TDRD5: variants seen among roughly 807,000 people sequenced by gnomAD.
The protein encoded by TDRD5 is tudor domain containing 5, also known as tudor domain-containing protein 5.
Under a neutral mutation model 120.6 loss-of-function variants are expected in TDRD5, and 41 were observed. The ratio of observed to expected loss-of-function variants is 0.34; its 90% CI spans 0.26 to 0.44. The LOEUF is 0.44. Ranked by LOEUF, TDRD5 falls within the 20% of genes least tolerant of loss-of-function variation. The pLI is 1.00. For synonymous variants in TDRD5, 430 were observed against 433.7 expected, an observed-to-expected ratio of 0.99 and a Z score of 0.11; for missense variants, 1,006 against 1,221.2, an observed-to-expected ratio of 0.82 and a Z score of 2.63.
chr1:179,631,216 C>T, intron 7 of TDRD5, among the ~76,000 whole-genome samples: 1 of 151,984 alleles, frequency 6.6e-6, no homozygotes, highest in East Asian at 1.9e-4. Flanking sequence ...ACAGTGAAAC[C>T]CCGTCTCTAC....
In TDRD5 at chr1:179,688,977, C is replaced by G. The variant is rs1026034499; in HGVS notation, c.2861-1719C>G. On this transcript the variant is annotated intron_variant, in intron 17 of 17. Transcript: ENST00000444136. ...TTTTTCAAGGTTTTTAGCTTCTTTG[C>G]TATGGGTTCGAACATCCTCCTTTAG... is the stretch of plus-strand genomic sequence containing the variant. Among the ~76,000 whole-genome samples, 9 of 152,314 alleles carry G rather than the reference C, an allele frequency of 5.9e-5. No homozygotes were observed. In the East Asian group the frequency reaches 1.4e-3, roughly 23 times the overall value.
chr1:179,652,239 C>G (rs377028124), intron 13 of TDRD5, 42 bp downstream of exon 13: 2 of 1,521,502 alleles, frequency 1.3e-6, no homozygotes, highest in African/African-American at 2.9e-5. Context: ...CTTTTTATTA[C>G]TGTAATCCTC....
intron 17 of TDRD5, among the ~76,000 whole-genome samples, chr1:179,688,456 TTC>T (rs1680881721): frequency 2.6e-5 from 4 of 152,208 alleles, no homozygotes; most frequent in Admixed American, 2.6e-4. Context: ...AACCTGACCT[TTC>T]TCTCTGGCTG....
In TDRD5 at chr1:179,654,336, C is replaced by A. The variant is rs1258195826; in HGVS notation, c.2296C>A (p.Pro766Thr). 6.5e-7 allele frequency: 1 copy of A among 1,536,156 alleles called. No individual in the cohort carries two copies. Among genetic ancestry groups the A allele is most frequent in the Non-Finnish European group, 8.8e-7 (1 of 1,140,496 alleles). ...AGATCCAAAGTGGTCCAACCCAGAA[C>A]CAAACGATCTGAAGGAAGAAAATGA... ...EEDPKWSNPE[P>T]NDLKEENEDE... The change falls in exon 14 of 18, where the codon CCA (proline) becomes ACA (threonine). Residue 766 changes from proline (P) to threonine (T), a missense_variant. Pro to Thr is a conservative substitution (Grantham distance 38). Around this residue, in one of 3 missense-constraint regions of TDRD5, gnomAD observed 403 missense variants for 448.1 expected, o/e 0.90. Transcript: ENST00000444136.
At chr1:179,634,170 C>CAAAAAACA (rs770749057) in intron 7 of TDRD5, among the ~76,000 whole-genome samples, 4 of 145,574 alleles carry the variant, frequency 2.7e-5, no homozygotes, top group Non-Finnish European at 6.0e-5. Flanking sequence ...GACTTCATCT[C>CAAAAAACA]AAAAAACAAA....
chr1:179,594,165 A>C lies in TDRD5; in HGVS notation c.640+298A>C, dbSNP rs182387198. Among the ~76,000 whole-genome samples the C allele has an allele frequency of 9.4e-4, 143 of 152,356 alleles. 1 individual carries two copies. The highest frequency in any genetic ancestry group is 2.7e-3 in the Admixed American group (41 of 15,312). On this transcript the variant is annotated intron_variant, in intron 3 of 17. Transcript: ENST00000444136. ...TTATTATTTTAAAAACTACAAGATC[A>C]GCTCTCTCTAGAACACTGTAAATGA...
Position 179,640,291 on chromosome 1 carries a change from T to C in TDRD5, c.1734-88T>C, listed in dbSNP as rs552742357. 6 of 1,441,786 alleles carry C rather than the reference T, an allele frequency of 4.2e-6. No individual in the cohort carries two copies. In the East Asian group the frequency reaches 1.4e-4, roughly 33 times the overall value. 89.3% of individuals were successfully genotyped at this position (1,441,786 alleles called of 1,614,324 possible). On this transcript the variant is annotated intron_variant, in intron 10 of 17. Coordinates refer to ENST00000444136, the MANE Select transcript of TDRD5 (RefSeq NM_001199085.3). ...GATGAGATTACGTTTTAGTCTCTTA[T>C]TAAGAAAGTGATTTTTTGGGTCATG...
intron 6 of TDRD5, among the ~76,000 whole-genome samples, chr1:179,626,652 G>T (rs184383453): frequency 6.6e-6 from 1 of 152,260 alleles, no homozygotes; most frequent in African/African-American, 2.4e-5. Flanking sequence ...AGATAAGATG[G>T]GTTGGTAGAT....
intron 14 of TDRD5, among the ~76,000 whole-genome samples, chr1:179,659,393 A>G (rs1679164945): frequency 6.6e-6 from 1 of 151,802 alleles, no homozygotes; most frequent in South Asian, 2.1e-4. Context: ...TCTGTTGTGC[A>G]TTTTGAAGCT....
chr1:179,640,101 G>T, intron 10 of TDRD5, 50 bp downstream of exon 10: 7 of 1,583,658 alleles, frequency 4.4e-6, no homozygotes, highest in Non-Finnish European at 6.1e-6. Context: ...TTGAATCACA[G>T]TGTTGAAGCT....
chr1:179,628,471 T>A (rs1299329808), intron 6 of TDRD5, among the ~76,000 whole-genome samples: 1 of 149,280 alleles, frequency 6.7e-6, no homozygotes, highest in Non-Finnish European at 1.5e-5. Context: ...GCTAAGTTTT[T>A]TTTTTTTTTT....
Position 179,630,822 on chromosome 1 carries a change from A to G in TDRD5, c.1028A>G (p.Glu343Gly), listed in dbSNP as rs750588661. 2.5e-6 allele frequency: 4 copies of G among 1,614,142 alleles called. No homozygotes were observed. In the East Asian group the frequency reaches 8.9e-5, roughly 36 times the overall value. ...AAATTAGGCTTCTTAAATGTGACAG[A>G]ACTTGTTGGAGCTCTTAGTGACATT... ...PKKLGFLNVTELVGALSDILH... is the reference protein window; with the variant it reads ...PKKLGFLNVTGLVGALSDILH... Residue 343 changes from glutamate to glycine, a missense_variant, in exon 7 of 18, where the codon GAA becomes GGA. This residue lies in a region of TDRD5 where 445 missense variants were observed against 515.5 expected (regional missense o/e 0.86). Transcript: ENST00000444136.
chr1:179,657,520 C>T (rs938464621), intron 14 of TDRD5, among the ~76,000 whole-genome samples: 8 of 152,062 alleles, frequency 5.3e-5, no homozygotes, highest in East Asian at 1.9e-4. Context: ...ATGTTGTCTG[C>T]GTTAGTACAT....
intron 9 of TDRD5, among the ~76,000 whole-genome samples, chr1:179,639,155 TTGAG>T (rs1677912071): frequency 6.6e-6 from 1 of 152,200 alleles, no homozygotes; most frequent in South Asian, 2.1e-4. Context: ...TAGCTAATAT[TTGAG>T]TGCTTAGTAT....
intron 17 of TDRD5, among the ~76,000 whole-genome samples, chr1:179,682,113 C>G (rs1279036413): frequency 6.7e-6 from 1 of 148,360 alleles, no homozygotes; most frequent in African/African-American, 2.5e-5. Flanking sequence ...CTTTTGAATT[C>G]TATCTGTGTC....
intron 14 of TDRD5, among the ~76,000 whole-genome samples, chr1:179,658,063 TGTAA>T (rs1558412139): frequency 6.6e-6 from 1 of 152,200 alleles, no homozygotes; most frequent in African/African-American, 2.4e-5. Flanking sequence ...AGATTCCACA[TGTAA>T]GTGAGATCAT....
rs889733212 is a variant in TDRD5 at position 179,645,318 on chromosome 1, C to T, written c.1800+4873C>T. Among the ~76,000 whole-genome samples, 5 of 151,782 alleles carry T rather than the reference C, an allele frequency of 3.3e-5. No homozygotes were observed. In the East Asian group the frequency reaches 9.7e-4, roughly 29 times the overall value. On this transcript the variant is annotated intron_variant, in intron 11 of 17. Coordinates refer to ENST00000444136, the MANE Select transcript of TDRD5 (RefSeq NM_001199085.3). Reference sequence around the variant, plus strand: ...GCCGGGATGGTCTCGATCTCCTGACCTCGTGATCCGCCCGCCTCGGCCTCC... The same window carrying T: ...GCCGGGATGGTCTCGATCTCCTGACTTCGTGATCCGCCCGCCTCGGCCTCC...
rs138778165 is a variant in TDRD5, at chr1:179,684,734, G to A, written c.2861-5962G>A. On this transcript the variant is annotated intron_variant, in intron 17 of 17. Transcript: ENST00000444136. ...GCTGTTTCCTGACTTTTGAATGATC[G>A]CCATTCTAACTGGTATGAGATATTA... Among the ~76,000 whole-genome samples the A allele has an allele frequency of 1.3e-3, 194 of 152,200 alleles. 1 individual carries two copies. The highest frequency in any genetic ancestry group is 4.4e-3 in the African/African-American group (183 of 41,540).
chr1:179,668,657 A>T (rs16854483), intron 16 of TDRD5, among the ~76,000 whole-genome samples: 1,865 of 150,312 alleles, frequency 0.012, 37 homozygotes, highest in East Asian at 0.064. Flanking sequence ...TGCTTATGGG[A>T]TGTGTTCCAT....
Sources: allele counts gnomAD v4.1 joint callset (sites outside exome capture counted in the v4.1 genomes callset), GRCh38; gene constraint gnomAD v4.1.1; regional missense constraint gnomAD v4.1.1; transcripts MANE v1.5; gene names NCBI Gene and HGNC (gene_info 2026-07-23, HGNC 2026-07-21).